The following PRKD1 variants were observed in gnomAD, a reference collection of about 807,000 sequenced individuals.
PRKD1 encodes the protein serine/threonine-protein kinase D1.
A neutral mutation model predicts 95.9 loss-of-function variants in PRKD1; 63 were observed. The observed-to-expected ratio is 0.66, with a 90% confidence interval of 0.54 to 0.81. The LOEUF (loss-of-function observed/expected upper bound fraction) is 0.81. Among genes scored for constraint, PRKD1 ranks in the 30% least tolerant of loss-of-function variants. The pLI, the probability that PRKD1 is intolerant of heterozygous loss-of-function variation, is 0.00. For missense variants in PRKD1, 1,048 were observed against 1,165.3 expected, an observed-to-expected ratio of 0.90 and a Z score of 1.47; for synonymous variants, 425 against 423.1, an observed-to-expected ratio of 1.00 and a Z score of -0.05.
intron 3 of PRKD1, among the ~76,000 whole-genome samples, chr14:29,665,750 T>C (rs1407294969): frequency 6.6e-6 from 1 of 152,078 alleles, no homozygotes; most frequent in Non-Finnish European, 1.5e-5. Context: ...TGTGTGTATA[T>C]GTATATATGT....
chr14:29,919,374 T>C (rs1276623340), intron 1 of PRKD1, among the ~76,000 whole-genome samples: 2 of 152,222 alleles, frequency 1.3e-5, no homozygotes, highest in Non-Finnish European at 2.9e-5. Context: ...TTAAATTATA[T>C]GATATTCCAT....
intron 1 of PRKD1, among the ~76,000 whole-genome samples, chr14:29,751,441 T>C (rs1313860689): frequency 6.6e-6 from 1 of 152,126 alleles, no homozygotes; most frequent in Non-Finnish European, 1.5e-5. Flanking sequence ...TCAGCCTTTA[T>C]TCAGAGTTTT....
In PRKD1 at chr14:29,631,299, C is replaced by T. The variant is rs149275405; in HGVS notation, c.1393-278G>A. Among the ~76,000 whole-genome samples the T allele has an allele frequency of 2.2e-3, 330 of 152,218 alleles. 2 individuals carry two copies. The highest frequency in any genetic ancestry group is 6.8e-3 in the African/African-American group (284 of 41,550). On this transcript the variant is annotated intron_variant, in intron 9 of 17. Transcript: ENST00000331968. ...TAGGAAAAATGATTTTGAATCTTCA[C>T]CAAAATCCAAGACTTAGAAAATAAG...
At chr14:29,652,308 A>C (rs1451379615) in intron 4 of PRKD1, among the ~76,000 whole-genome samples, 2 of 152,168 alleles carry the variant, frequency 1.3e-5, no homozygotes, top group Non-Finnish European at 2.9e-5. Context: ...CCTATATATT[A>C]GTAAGTGTGA....
Position 29,673,843 on chromosome 14 carries a change from C to T in PRKD1, c.404-7635G>A, listed in dbSNP as rs561489107. ...TTTGCTAGTACCTTTCTATTCTAAG[C>T]GCAATATAGTGTCAGTAGTGATAAA... On this transcript the variant is annotated intron_variant, in intron 2 of 17. Transcript: ENST00000331968. Among the ~76,000 whole-genome samples the T allele has an allele frequency of 1.2e-4, 19 of 152,216 alleles. No individual in the cohort carries two copies. In the South Asian group the frequency reaches 3.1e-3, roughly 25 times the overall value.
chr14:29,864,378 T>G (rs779615833), intron 1 of PRKD1, among the ~76,000 whole-genome samples: 1 of 152,138 alleles, frequency 6.6e-6, no homozygotes, highest in African/African-American at 2.4e-5. Flanking sequence ...TTCTCTCTTT[T>G]TAAATGCAGA....
chr14:29,585,207 C>T (rs45601132), intron 16 of PRKD1, among the ~76,000 whole-genome samples: 6,944 of 152,198 alleles, frequency 0.046, 177 homozygotes, highest in Admixed American at 0.065. Context: ...CAGCTCTCAA[C>T]CCAGCATGCT....
intron 1 of PRKD1, among the ~76,000 whole-genome samples, chr14:29,841,053 A>ACATG (rs1252025826): frequency 6.6e-6 from 1 of 152,204 alleles, no homozygotes; most frequent in Non-Finnish European, 1.5e-5. Context: ...TGGATTCTGG[A>ACATG]CTTGCATGGG....
rs770454812 is a variant in PRKD1 at position 29,594,203 on chromosome 14, T to C, written c.2434+3288A>G. 101 of 437,730 alleles carry C rather than the reference T, an allele frequency of 2.3e-4. 2 individuals carry two copies. The highest frequency in any genetic ancestry group is 6.7e-4 in the Middle Eastern group (2 of 2,964). The allele number at this position is 437,730 out of a possible 1,614,324, so 27.1% of individuals were successfully genotyped here. ...ACAGAAAAAATACATAATAAAGAAATTTGTAATTCTGACACATCTATGCAT... is the reference window on the plus strand; with the variant it reads ...ACAGAAAAAATACATAATAAAGAAACTTGTAATTCTGACACATCTATGCAT... On this transcript the variant is annotated intron_variant, in intron 16 of 17. Coordinates refer to ENST00000331968, the MANE Select transcript of PRKD1 (RefSeq NM_002742.3).
intron 3 of PRKD1, among the ~76,000 whole-genome samples, chr14:29,665,197 A>C (rs1029662437): frequency 6.6e-6 from 1 of 152,220 alleles, no homozygotes; most frequent in Non-Finnish European, 1.5e-5. Context: ...GCACAACATA[A>C]GCAGATAGCT....
chr14:29,925,263 T>C (rs1363219959), intron 1 of PRKD1, among the ~76,000 whole-genome samples: 2 of 152,184 alleles, frequency 1.3e-5, no homozygotes, highest in Non-Finnish European at 2.9e-5. Context: ...ATGTTCCAAC[T>C]AGCTCATGAC....
intron 1 of PRKD1, among the ~76,000 whole-genome samples, chr14:29,858,402 C>A (rs1892585517): frequency 6.6e-6 from 1 of 152,284 alleles, no homozygotes; most frequent in East Asian, 1.9e-4. Flanking sequence ...CTGAACTGAA[C>A]AGGAAATGTC....
intron 4 of PRKD1, among the ~76,000 whole-genome samples, chr14:29,639,320 G>C (rs1880599149): frequency 6.6e-6 from 1 of 152,082 alleles, no homozygotes; most frequent in South Asian, 2.1e-4. Flanking sequence ...AAAAGTAAAT[G>C]CCTCCTGTTT....
intron 2 of PRKD1, among the ~76,000 whole-genome samples, chr14:29,675,056 T>C (rs1883074543): frequency 1.3e-5 from 2 of 152,190 alleles, no homozygotes; most frequent in African/African-American, 4.8e-5. Flanking sequence ...TCAGCGCTGT[T>C]GGCCAAGGAA....
chr14:29,817,249 C>T (rs561216331), intron 1 of PRKD1, among the ~76,000 whole-genome samples: 2 of 152,258 alleles, frequency 1.3e-5, no homozygotes, highest in South Asian at 4.1e-4. Context: ...GGCCCATTGG[C>T]ACATAAATAT....
intron 1 of PRKD1, among the ~76,000 whole-genome samples, chr14:29,770,102 A>G (rs1011133091): frequency 6.6e-6 from 1 of 152,302 alleles, no homozygotes; most frequent in Non-Finnish European, 1.5e-5. Context: ...GAAGCAGAGA[A>G]CAAGCCTTCA....
At chr14:29,645,646 C>T (rs1594391123) in intron 4 of PRKD1, among the ~76,000 whole-genome samples, 1 of 152,092 alleles carries the variant, frequency 6.6e-6, no homozygotes, top group East Asian at 1.9e-4. Flanking sequence ...AATTCAGATG[C>T]TTCAGGACAT....
chr14:29,664,189 T>C (rs1471271274), intron 3 of PRKD1, among the ~76,000 whole-genome samples: 1 of 152,312 alleles, frequency 6.6e-6, no homozygotes, highest in African/African-American at 2.4e-5. Flanking sequence ...TAAGTTCAAA[T>C]GTGAGTGGAC....
chr14:29,765,434 G>A (rs1888214987), intron 1 of PRKD1, among the ~76,000 whole-genome samples: 1 of 152,100 alleles, frequency 6.6e-6, no homozygotes, highest in Non-Finnish European at 1.5e-5. Context: ...TACCCTTCTG[G>A]TACAAATATA....
Sources: gnomAD v4.1 joint callset for allele counts (sites outside exome capture counted in the v4.1 genomes callset) on GRCh38, gnomAD v4.1.1 for gene constraint, MANE v1.5 for transcripts, NCBI Gene and HGNC (gene_info 2026-07-23, HGNC 2026-07-21) for gene names.